Variants in AGBL1 observed in about 807,000 individuals in gnomAD.
AGBL1 encodes cytosolic carboxypeptidase 4.
Under a neutral mutation model 118.9 loss-of-function variants are expected in AGBL1, and 130 were observed. The observed-to-expected ratio is 1.09, with a 90% CI of 0.95 to 1.26. The LOEUF is 1.26. Ranked by LOEUF, AGBL1 falls within the 50% of genes most tolerant of loss-of-function variation. AGBL1 has a pLI of 0.00. For missense variants in AGBL1, 1,584 were observed against 1,298.1 expected (o/e 1.22, Z -3.38); for synonymous variants, 555 against 478.9 (o/e 1.16, Z -2.08).
chr15:86,170,760 T>C (rs1272179104), intron 5 of AGBL1, among the ~76,000 whole-genome samples: 3 of 151,806 alleles, frequency 2.0e-5, no homozygotes, highest in African/African-American at 7.3e-5. Flanking sequence ...GCAGGAGAAT[T>C]GCTTGAACCA....
Position 86,079,982 on chromosome 15 carries a change from C to T in AGBL1, c.10C>T (p.Gln4Ter). The change falls in exon 1 of 23, where the codon CAA becomes TAA. Residue 4 changes from glutamine to a stop codon, truncating the protein, a stop_gained. Coordinates refer to ENST00000614907, the MANE Select transcript of AGBL1 (RefSeq NM_001386094.1). LOFTEE classifies it high-confidence loss of function. MAE[Q>*]EASGLQVLLH... ...AGGACCCGAGAAAAGGATGGCCGAA[C>T]AAGAAGCTAGTGGGCTACAGGTCCT... The T allele has an allele frequency of 2.4e-6, 3 of 1,232,164 alleles. No individual in the cohort carries two copies. The highest frequency in any genetic ancestry group is 3.0e-6 in the Non-Finnish European group (3 of 987,990). 76.3% of individuals were successfully genotyped at this position (1,232,164 alleles called of 1,614,324 possible).
intron 22 of AGBL1, among the ~76,000 whole-genome samples, chr15:86,689,141 C>G (rs2086115549): frequency 6.6e-6 from 1 of 152,124 alleles, no homozygotes; most frequent in Non-Finnish European, 1.5e-5. Flanking sequence ...GCCTGAGACG[C>G]ATCAGTTCTA....
chr15:86,749,696 T>A (rs531859846), intron 22 of AGBL1, among the ~76,000 whole-genome samples: 142 of 152,336 alleles, frequency 9.3e-4, no homozygotes, highest in African/African-American at 3.2e-3. Flanking sequence ...CAATACCTAA[T>A]TTATTGAGAG....
chr15:86,893,761 G>A (rs1045968463), intron 22 of AGBL1, among the ~76,000 whole-genome samples: 3 of 152,094 alleles, frequency 2.0e-5, no homozygotes, highest in South Asian at 2.1e-4. Context: ...AAGGAAAGGG[G>A]AATAAAAATT....
At chr15:86,625,039 C>T (rs1458944455) in intron 21 of AGBL1, among the ~76,000 whole-genome samples, 1 of 152,186 alleles carries the variant, frequency 6.6e-6, no homozygotes, top group Non-Finnish European at 1.5e-5. Flanking sequence ...GACAGCCCCA[C>T]ACCCACGCAG....
rs534465719 is a variant in AGBL1, at chr15:86,357,976, A to G, written c.2375-39390A>G. Among the ~76,000 whole-genome samples the G allele has an allele frequency of 6.6e-5, 10 of 152,250 alleles. No homozygotes were observed. In the South Asian group the frequency reaches 2.1e-3, roughly 32 times the overall value. ...GCAGATACATTGTGAAATGATTTCC[A>G]CAATTAAGCTAATTAATATATCTAT... On this transcript the variant is annotated intron_variant, in intron 17 of 22. Coordinates refer to ENST00000614907, the MANE Select transcript of AGBL1 (RefSeq NM_001386094.1).
intron 23 of AGBL1, among the ~76,000 whole-genome samples, chr15:86,956,757 C>A (rs1443019617): frequency 6.6e-6 from 1 of 152,132 alleles, no homozygotes; most frequent in African/African-American, 2.4e-5. Flanking sequence ...TTAATCATCA[C>A]ATATGCCAAA....
chr15:86,774,794 T>C (rs920630813), intron 22 of AGBL1, among the ~76,000 whole-genome samples: 6 of 152,104 alleles, frequency 3.9e-5, no homozygotes, highest in Non-Finnish European at 8.8e-5. Flanking sequence ...CTTGAATGAA[T>C]AGTTCACTGT....
intron 22 of AGBL1, among the ~76,000 whole-genome samples, chr15:86,682,642 T>C (rs2085981630): frequency 6.6e-6 from 1 of 152,114 alleles, no homozygotes; most frequent in African/African-American, 2.4e-5. Context: ...TATGCACATA[T>C]TTATATAAAT....
At chr15:86,926,071 C>A (rs998639252) in intron 23 of AGBL1, among the ~76,000 whole-genome samples, 22 of 152,108 alleles carry the variant, frequency 1.4e-4, no homozygotes, top group African/African-American at 4.6e-4. Context: ...AGAAGGAAAA[C>A]GTCAATATCT....
intron 22 of AGBL1, among the ~76,000 whole-genome samples, chr15:86,814,808 A>G (rs1395266977): frequency 1.3e-5 from 2 of 152,178 alleles, no homozygotes; most frequent in Non-Finnish European, 2.9e-5. Context: ...ATTCTTTGGG[A>G]CTTTTATTGC....
At chr15:86,980,226 G>T (rs1038325066) in intron 23 of AGBL1, among the ~76,000 whole-genome samples, 1 of 152,178 alleles carries the variant, frequency 6.6e-6, no homozygotes, top group African/African-American at 2.4e-5. Context: ...TGAATAATTG[G>T]TTGGTACAAG....
intron 4 of AGBL1, among the ~76,000 whole-genome samples, chr15:86,157,614 C>G (rs914601601): frequency 6.6e-6 from 1 of 152,180 alleles, no homozygotes; most frequent in Non-Finnish European, 1.5e-5. Flanking sequence ...AAAAATTATA[C>G]TGTCACTCTC....
At chr15:86,469,444 T>A (rs771339192) in intron 18 of AGBL1, among the ~76,000 whole-genome samples, 1 of 152,212 alleles carries the variant, frequency 6.6e-6, no homozygotes, top group African/African-American at 2.4e-5. Context: ...TTTCATTGTA[T>A]GTATGTATGG....
At chr15:86,472,721 C>A (rs1198353721) in intron 18 of AGBL1, among the ~76,000 whole-genome samples, 1 of 152,106 alleles carries the variant, frequency 6.6e-6, no homozygotes, top group Non-Finnish European at 1.5e-5. Context: ...GAGTTCAAGA[C>A]CAGCCTGGCC....
In AGBL1 at chr15:86,279,623, C is replaced by A; in HGVS notation, c.2076-16C>A. 6.2e-7 allele frequency: 1 copy of A among 1,611,546 alleles called. No homozygotes were observed. Among genetic ancestry groups the A allele is most frequent in the Non-Finnish European group, 8.5e-7 (1 of 1,177,872 alleles). On this transcript the variant is annotated splice_polypyrimidine_tract_variant and intron_variant, in intron 15 of 22. Transcript: ENST00000614907. ...CCTCTCCCTTATTCTCTTCTCTTCT[C>A]CTCCTCTCTCTTTAGAAATCATTAT...
At chr15:86,611,129 T>A (rs1239374034) in intron 21 of AGBL1, among the ~76,000 whole-genome samples, 3 of 152,156 alleles carry the variant, frequency 2.0e-5, no homozygotes, top group Non-Finnish European at 4.4e-5. Context: ...TAGCTTGCAA[T>A]TTGATAATGG....
At chr15:86,482,515 C>G (rs2082664978) in intron 18 of AGBL1, among the ~76,000 whole-genome samples, 1 of 152,054 alleles carries the variant, frequency 6.6e-6, no homozygotes, top group South Asian at 2.1e-4. Flanking sequence ...TTTTTCTCCT[C>G]CTATTTCATC....
At chr15:86,261,058 G>C (rs1047968319) in intron 9 of AGBL1, among the ~76,000 whole-genome samples, 1 of 152,298 alleles carries the variant, frequency 6.6e-6, no homozygotes, top group African/African-American at 2.4e-5. Context: ...AATGGGTGTG[G>C]CTCTTTTCCA....
Sources: allele counts gnomAD v4.1 joint callset (sites outside exome capture counted in the v4.1 genomes callset), GRCh38; gene constraint gnomAD v4.1.1; transcripts MANE v1.5; gene names NCBI Gene and HGNC (gene_info 2026-07-23, HGNC 2026-07-21).